Variants in THRAP3 observed in about 807,000 individuals in gnomAD.
The protein encoded by THRAP3 is thyroid hormone receptor associated protein 3.
THRAP3 carries 16 observed loss-of-function variants against 101.0 expected under a neutral mutation model. That is an observed-to-expected ratio of 0.16 (90% CI 0.11 to 0.24). The LOEUF (loss-of-function observed/expected upper bound fraction) is 0.24, where lower values mean the gene tolerates loss of function less well. Ranked by LOEUF, THRAP3 falls within the 10% of genes least tolerant of loss-of-function variation. The pLI, the probability that THRAP3 is intolerant of heterozygous loss-of-function variation, is 1.00. For missense variants in THRAP3, 989 were observed against 1,202.7 expected (o/e 0.82, Z 2.63); for synonymous variants, 407 against 422.6 (o/e 0.96, Z 0.45).
the THRAP3 span, among the ~76,000 whole-genome samples, chr1:36,214,899 AT>A: frequency 2.7e-5 from 4 of 150,808 alleles, no homozygotes; most frequent in African/African-American, 9.7e-5. Flanking sequence ...AAAAAAGGAA[AT>A]GAGAATCACG....
chr1:36,275,299 A>T (rs1645644031), intron 2 of THRAP3, among the ~76,000 whole-genome samples: 1 of 137,188 alleles, frequency 7.3e-6, no homozygotes, highest in African/African-American at 2.7e-5. Flanking sequence ...CAAAAAAAAA[A>T]AAAAAAGTCT....
At chr1:36,292,260 G>GTTTTTTTTTTTTTTTTTTT (rs1553124853) in intron 6 of THRAP3, among the ~76,000 whole-genome samples, 2 of 13,112 alleles carry the variant, frequency 1.5e-4, no homozygotes, top group Non-Finnish European at 1.9e-4. Flanking sequence ...GTGTTTCTTT[G>GTTTTTTTTTTTTTTTTTTT]TTTCTTTTTT....
At position 36,304,746 on chromosome 1, in the gene THRAP3, C is replaced by T. The variant is rs1486604912; in HGVS notation, c.*729C>T. 9.3e-6 allele frequency: 2 copies of T among 215,274 alleles called. No homozygotes were observed. The highest frequency in any genetic ancestry group is 6.8e-5 in the East Asian group (1 of 14,786). The allele number at this position is 215,274 out of a possible 1,614,324, so 13.3% of individuals were successfully genotyped here. ...GCCCTATTTCCTGATTTCTTCTGGG[C>T]TGGACTTCCCCGTTCTCCACCAGCA... On this transcript the variant is annotated 3_prime_UTR_variant, in exon 12 of 12. Coordinates refer to ENST00000354618, the MANE Select transcript of THRAP3 (RefSeq NM_005119.4).
intron 2 of THRAP3, among the ~76,000 whole-genome samples, chr1:36,278,796 G>A (rs1645694969): frequency 6.6e-6 from 1 of 152,002 alleles, no homozygotes; most frequent in African/African-American, 2.4e-5. Flanking sequence ...GGTGGTGGGC[G>A]CCTGTAATTC....
chr1:36,289,182 T>G lies in THRAP3; in HGVS notation c.1163T>G (p.Met388Arg), dbSNP rs1425611686. 1.2e-6 allele frequency: 2 copies of G among 1,613,662 alleles called. No individual in the cohort carries two copies. Among genetic ancestry groups the G allele is most frequent in the Admixed American group, 1.7e-5 (1 of 59,956 alleles). ...FSDTGLGDGK[M>R]KSDSFAPKTD... ...GACACAGGCTTGGGTGATGGAAAAATGAAATCTGATTCTTTTGCTCCCAAA... is the reference window on the plus strand; with the variant it reads ...GACACAGGCTTGGGTGATGGAAAAAGGAAATCTGATTCTTTTGCTCCCAAA... The change falls in exon 5 of 12, where the codon ATG becomes AGG. Residue 388 changes from methionine (M) to arginine (R), a missense_variant. Coordinates refer to ENST00000354618, the MANE Select transcript of THRAP3 (RefSeq NM_005119.4).
the THRAP3 span, among the ~76,000 whole-genome samples, chr1:36,216,829 T>C: frequency 2.6e-5 from 4 of 152,198 alleles, no homozygotes; most frequent in African/African-American, 9.7e-5. Flanking sequence ...TTTCTGCCCA[T>C]ACGAAAACAG....
intron 8 of THRAP3, chr1:36,294,230 A>G (rs1186281909): frequency 1.7e-6 from 2 of 1,160,010 alleles, no homozygotes; most frequent in Non-Finnish European, 2.1e-6. Context: ...TTTTTGTGAT[A>G]TTTTTCTGCT....
intron 7 of THRAP3, 91 bp downstream of exon 7, chr1:36,292,800 C>A: frequency 2.1e-6 from 2 of 931,484 alleles, no homozygotes; most frequent in Non-Finnish European, 3.3e-6. Flanking sequence ...GCTAATGCAC[C>A]TTTAATACAA....
chr1:36,212,951 C>T, the THRAP3 span, among the ~76,000 whole-genome samples: 3 of 152,088 alleles, frequency 2.0e-5, no homozygotes, highest in Non-Finnish European at 4.4e-5. Context: ...GGTGGGGCTG[C>T]TGGGGAGGAA....
intron 6 of THRAP3, among the ~76,000 whole-genome samples, chr1:36,292,034 C>G (rs867437289): frequency 1.3e-5 from 2 of 152,012 alleles, no homozygotes; most frequent in African/African-American, 4.8e-5. Flanking sequence ...TGGTGCTGTG[C>G]TTCTGAGGAG....
intron 6 of THRAP3, among the ~76,000 whole-genome samples, chr1:36,292,236 T>G (rs1194702709): frequency 6.7e-6 from 1 of 148,474 alleles, no homozygotes; most frequent in Non-Finnish European, 1.5e-5. Context: ...TGTGTCTGCC[T>G]TTGGTAACAT....
chr1:36,209,406 G>A, the THRAP3 span, among the ~76,000 whole-genome samples: 1 of 152,140 alleles, frequency 6.6e-6, no homozygotes, highest in Non-Finnish European at 1.5e-5. Flanking sequence ...GATTTGTCTT[G>A]CGCATTGTAG....
intron 1 of THRAP3, among the ~76,000 whole-genome samples, chr1:36,257,815 G>A (rs991941851): frequency 6.6e-6 from 1 of 152,222 alleles, no homozygotes; most frequent in South Asian, 2.1e-4. Flanking sequence ...GAATTAGAGG[G>A]AAAGATGGAT....
chr1:36,275,741 A>G (rs534970326), intron 2 of THRAP3, among the ~76,000 whole-genome samples: 3 of 150,888 alleles, frequency 2.0e-5, no homozygotes, highest in East Asian at 4.0e-4. Flanking sequence ...ACAAAGTTGG[A>G]CTAGGTGTGG....
At chr1:36,222,678 G>A (rs1195719136), upstream of THRAP3, among the ~76,000 whole-genome samples, 2 of 152,082 alleles carry the variant, frequency 1.3e-5, no homozygotes, top group Non-Finnish European at 2.9e-5. Context: ...CAAAGCGTTG[G>A]GATTACCGGC....
chr1:36,294,767 T>C (rs1645923615), intron 8 of THRAP3, among the ~76,000 whole-genome samples: 1 of 152,178 alleles, frequency 6.6e-6, no homozygotes, highest in Non-Finnish European at 1.5e-5. Context: ...CCCAAGGTTT[T>C]CTTTAAAACA....
intron 1 of THRAP3, among the ~76,000 whole-genome samples, chr1:36,240,877 G>A (rs1645146464): frequency 6.6e-6 from 1 of 152,098 alleles, no homozygotes; most frequent in Non-Finnish European, 1.5e-5. Context: ...AGCAAAATAG[G>A]TAAAGTGTGC....
chr1:36,293,172 AC>A (rs1183712684), intron 7 of THRAP3, among the ~76,000 whole-genome samples: 5 of 150,528 alleles, frequency 3.3e-5, no homozygotes, highest in Non-Finnish European at 5.9e-5. Context: ...GGGATTACAA[AC>A]GTGTGCCACC....
At chr1:36,278,896 C>T (rs1181166873) in intron 2 of THRAP3, among the ~76,000 whole-genome samples, 1 of 151,176 alleles carries the variant, frequency 6.6e-6, no homozygotes, top group Non-Finnish European at 1.5e-5. Flanking sequence ...GCACTCTAGC[C>T]TGAGCAACAA....
Sources: allele counts gnomAD v4.1 joint callset (sites outside exome capture counted in the v4.1 genomes callset), GRCh38; gene constraint gnomAD v4.1.1; transcripts MANE v1.5; gene names NCBI Gene and HGNC (gene_info 2026-07-23, HGNC 2026-07-21).